Variants in COL20A1 observed in about 807,000 individuals in gnomAD.
COL20A1 encodes collagen alpha-1(XX) chain.
Under a neutral mutation model 152.9 loss-of-function variants are expected in COL20A1, and 164 were observed. That is an observed-to-expected ratio of 1.07 (90% confidence interval 0.94 to 1.22). The LOEUF (loss-of-function observed/expected upper bound fraction) is 1.22, where lower values mean the gene tolerates loss of function less well. Among genes scored for constraint, COL20A1 ranks in the 50% most tolerant of loss-of-function variants. The pLI is 0.00. For synonymous variants in COL20A1, 864 were observed against 756.0 expected, an observed-to-expected ratio of 1.14 and a Z score of -2.34; for missense variants, 1,873 against 1,744.8, an observed-to-expected ratio of 1.07 and a Z score of -1.31.
In COL20A1 at chr20:63,298,025, G is replaced by C; in HGVS notation, c.193+5G>C. On this transcript the variant is annotated splice_donor_5th_base_variant and intron_variant, in intron 3 of 35. Coordinates refer to ENST00000358894, the MANE Select transcript of COL20A1 (RefSeq NM_020882.4). ...TGCAGGTGAAGCCCATGGCAGGTGA[G>C]GACCTGCCCCTCCCAGGCCCCCTTC... 3 of 1,584,506 alleles carry C rather than the reference G, an allele frequency of 1.9e-6. No individual in the cohort carries two copies. In the South Asian group the frequency reaches 3.3e-5, roughly 18 times the overall value.
At chr20:63,308,761 G>C in intron 8 of COL20A1, 55 bp downstream of exon 8, 1 of 1,458,346 alleles carries the variant, frequency 6.9e-7, no homozygotes, top group Non-Finnish European at 9.2e-7. Flanking sequence ...GTGGGTTTAG[G>C]GTCGCAGCAG....
chr20:63,316,589 A>G lies in COL20A1; in HGVS notation c.2561A>G (p.Lys854Arg). 6.3e-7 allele frequency: 1 copy of G among 1,588,276 alleles called. No individual in the cohort carries two copies. The part of the protein sequence containing the change: ...DLMVAFSLVE[K>R]AYASIRGVAM... ...ATGGTGGCCTTCAGCCTGGTGGAAA[A>G]GGCTTATGCGTCCATCCGGGGCGTG... The change falls in exon 21 of 36, where the codon AAG (lysine) becomes AGG (arginine). Residue 854 changes from lysine (K) to arginine (R), a missense_variant. Transcript: ENST00000358894.
intron 34 of COL20A1, 39 bp downstream of exon 34, chr20:63,328,537 G>T: frequency 6.4e-7 from 1 of 1,572,680 alleles, no homozygotes; most frequent in Non-Finnish European, 8.6e-7. Flanking sequence ...AGTTGTGGCC[G>T]GTGGGGGCGC....
intron 8 of COL20A1, among the ~76,000 whole-genome samples, chr20:63,309,026 C>T (rs1041571079): frequency 1.3e-5 from 2 of 152,190 alleles, no homozygotes; most frequent in African/African-American, 4.8e-5. Context: ...CCTGGTGACT[C>T]CCGCCTGCTG....
At position 63,306,228 on chromosome 20, in the gene COL20A1, G is replaced by A. The variant is rs2067924594; in HGVS notation, c.496+189G>A. On this transcript the variant is annotated intron_variant, in intron 5 of 35. Coordinates refer to ENST00000358894, the MANE Select transcript of COL20A1 (RefSeq NM_020882.4). This position sits in a 1 kb window ranked among gnomAD's most constrained non-coding sequence, Gnocchi z 6.9. ...CCACGAGGCCGGGAAGTTCTTCCTC[G>A]TGTCTGACCACACGGTCTCTGACCA... 7.8e-6 allele frequency among the ~76,000 whole-genome samples: 1 copy of A among 128,450 alleles called. No homozygotes were observed. The highest frequency in any genetic ancestry group is 1.6e-5 in the Non-Finnish European group (1 of 60,650). The allele number at this position is 128,450 out of a possible 152,430, so 84.3% of individuals were successfully genotyped here. A position where few individuals can be genotyped will look rare whatever the true frequency, so the allele number is the denominator to read the frequency against.
chr20:63,302,093 C>T (rs560301726), intron 3 of COL20A1, among the ~76,000 whole-genome samples: 10 of 152,208 alleles, frequency 6.6e-5, no homozygotes, highest in African/African-American at 2.4e-4. Context: ...TATCAGCGTG[C>T]GGCCAATATT....
intron 3 of COL20A1, 131 bp downstream of exon 3, chr20:63,298,151 G>A (rs2067822685): frequency 1.6e-6 from 1 of 626,048 alleles, no homozygotes; most frequent in African/African-American, 1.8e-5. Context: ...CACCTCTCTG[G>A]CCTTGGTCTC....
chr20:63,321,418 C>G (rs1399538494), intron 26 of COL20A1, among the ~76,000 whole-genome samples: 1 of 152,206 alleles, frequency 6.6e-6, no homozygotes, highest in Non-Finnish European at 1.5e-5. Flanking sequence ...CTGGGCCTCC[C>G]CCACGAACCC....
At chr20:63,323,103 C>A (rs1412398012) in intron 27 of COL20A1, among the ~76,000 whole-genome samples, 1 of 152,270 alleles carries the variant, frequency 6.6e-6, no homozygotes, top group East Asian at 1.9e-4. Context: ...TTGGGAGCCG[C>A]GTCTGATAGA....
chr20:63,317,693 C>A (rs541357810), intron 21 of COL20A1, among the ~76,000 whole-genome samples: 5 of 152,134 alleles, frequency 3.3e-5, no homozygotes, highest in Non-Finnish European at 5.9e-5. Context: ...GATGACTGTT[C>A]CCCGGCTTCC....
chr20:63,310,032 G>A (rs1053622945), intron 10 of COL20A1, 117 bp downstream of exon 10: 4 of 969,552 alleles, frequency 4.1e-6, no homozygotes, highest in Admixed American at 2.9e-5. Context: ...GGCTGAGAAG[G>A]GGGTGTCGAG....
In COL20A1 at chr20:63,295,094, A is replaced by G. The variant is rs1270563758; in HGVS notation, c.-10-4A>G. 6.5e-7 allele frequency: 1 copy of G among 1,543,282 alleles called. No homozygotes were observed. Among genetic ancestry groups the G allele is most frequent in the Non-Finnish European group, 8.8e-7 (1 of 1,142,398 alleles). ...TGAAGGGCATGGCCTCTTCCCTGCC[A>G]CAGCCCGAGCACCATGAGCTCCGGA... On this transcript the variant is annotated splice_region_variant and splice_polypyrimidine_tract_variant and intron_variant, in intron 1 of 35. Coordinates refer to ENST00000358894, the MANE Select transcript of COL20A1 (RefSeq NM_020882.4).
intron 26 of COL20A1, among the ~76,000 whole-genome samples, chr20:63,321,509 G>A (rs966350442): frequency 6.6e-6 from 1 of 152,224 alleles, no homozygotes; most frequent in Non-Finnish European, 1.5e-5. Context: ...GAACTGTGCT[G>A]TGGCCACAGG....
In COL20A1 at chr20:63,306,029, G is replaced by T. The variant is rs766545783; in HGVS notation, c.486G>T (p.Pro162=). 2 of 1,610,296 alleles carry T rather than the reference G, an allele frequency of 1.2e-6. No individual in the cohort carries two copies. Among genetic ancestry groups the T allele is most frequent in the Admixed American group, 3.4e-5 (2 of 59,644 alleles). The change falls in exon 5 of 36, where the codon CCG becomes CCT. Residue 162 remains proline, a synonymous_variant. Coordinates refer to ENST00000358894, the MANE Select transcript of COL20A1 (RefSeq NM_020882.4). The surrounding 1 kb of genome is among the most constrained non-coding windows in gnomAD (Gnocchi z 6.9). ...PQVAFTPSQD[P]RTPAGPQFRC... ...TTGCCTTCACACCAAGCCAGGATCC[G>T]CGCACTCCTGGTGGGTCAGAGTGGA...
intron 21 of COL20A1, among the ~76,000 whole-genome samples, chr20:63,318,384 A>G (rs1273246738): frequency 9.6e-6 from 1 of 103,850 alleles, no homozygotes; most frequent in Non-Finnish European, 2.7e-5. Flanking sequence ...TGGGACCCCA[A>G]TTCTATCAGG....
Position 63,326,456 on chromosome 20 carries a change from C to T in COL20A1, c.3457-296C>T, listed in dbSNP as rs547838785. Reference sequence around the variant, plus strand: ...GCAGGCCAGGTTGCCTCCCTGCAAGCGCCACTTTAGGGGAAGCCCAACTTG... The same window carrying T: ...GCAGGCCAGGTTGCCTCCCTGCAAGTGCCACTTTAGGGGAAGCCCAACTTG... On this transcript the variant is annotated intron_variant, in intron 30 of 35. Transcript: ENST00000358894. Among the ~76,000 whole-genome samples the T allele has an allele frequency of 2.0e-4, 30 of 152,294 alleles. No individual in the cohort carries two copies. The East Asian group carries it at 5.4e-3, about 27-fold the overall frequency.
At chr20:63,307,783 A>G in intron 6 of COL20A1, 135 bp downstream of exon 6, 1 of 1,208,622 alleles carries the variant, frequency 8.3e-7, no homozygotes, top group East Asian at 2.5e-5. Context: ...CCTGCTCCAC[A>G]TGGGGTGTTC....
At chr20:63,315,570 G>A in intron 20 of COL20A1, 131 bp downstream of exon 20, 2 of 818,298 alleles carry the variant, frequency 2.4e-6, no homozygotes, top group South Asian at 1.8e-5. Flanking sequence ...GCGGGTTTGT[G>A]CCTCCACAGA....
rs575995099 is a variant in COL20A1, at chr20:63,311,993, C to T, written c.1741C>T (p.Pro581Ser). Residue 581 changes from proline to serine, a missense_variant, in exon 14 of 36, where the codon CCG (proline) becomes TCG (serine). Physicochemically the swap from Pro to Ser is moderately conservative, Grantham distance 74. Transcript: ENST00000358894. The surrounding 1 kb of genome is among the most constrained non-coding windows in gnomAD (Gnocchi z 4.4). ...DAARVFWEGA[P>S]RPVRLVRVTY... Reference sequence around the variant, plus strand: ...GGCACGAGTGTTCTGGGAGGGTGCCCCGAGGCCTGTGCGCCTGGTCAGGGT... The same window carrying T: ...GGCACGAGTGTTCTGGGAGGGTGCCTCGAGGCCTGTGCGCCTGGTCAGGGT... 1.4e-5 allele frequency: 22 copies of T among 1,605,618 alleles called. No homozygotes were observed. Among genetic ancestry groups the T allele is most frequent in the Middle Eastern group, 3.8e-4 (2 of 5,274 alleles).
Sources: gnomAD v4.1 joint callset for allele counts (sites outside exome capture counted in the v4.1 genomes callset) on GRCh38, gnomAD v4.1.1 for gene constraint, Gnocchi (gnomAD v3.1) non-coding constraint, MANE v1.5 for transcripts, NCBI Gene and HGNC (gene_info 2026-07-23, HGNC 2026-07-21) for gene names.